RPS6KA1: variants seen among roughly 807,000 people sequenced by gnomAD.
RPS6KA1 encodes ribosomal protein S6 kinase alpha-1.
A neutral mutation model predicts 91.3 loss-of-function variants in RPS6KA1; 48 were observed. That is an observed-to-expected ratio of 0.53 (90% CI 0.42 to 0.67). The LOEUF (loss-of-function observed/expected upper bound fraction) is 0.67, where lower values mean the gene tolerates loss of function less well. Ranked by LOEUF, RPS6KA1 falls within the 30% of genes least tolerant of loss-of-function variation. The pLI is 0.00. For synonymous variants in RPS6KA1, 359 were observed against 384.7 expected, an observed-to-expected ratio of 0.93 and a Z score of 0.78; for missense variants, 719 against 960.5, an observed-to-expected ratio of 0.75 and a Z score of 3.32.
intron 2 of RPS6KA1, chr1:26,544,058 C>G (rs2124624060): frequency 2.2e-6 from 1 of 456,176 alleles, no homozygotes; most frequent in Admixed American, 2.3e-5. Flanking sequence ...CTCCCCTCAT[C>G]TCTTTCCCCA....
intron 17 of RPS6KA1, among the ~76,000 whole-genome samples, chr1:26,564,018 G>A (rs1047179694): frequency 6.6e-6 from 1 of 152,080 alleles, no homozygotes; most frequent in Non-Finnish European, 1.5e-5. Context: ...AGCTACTCTG[G>A]TGGCTGAGGC....
At chr1:26,567,683 C>T (rs1455402595) in intron 17 of RPS6KA1, among the ~76,000 whole-genome samples, 1 of 152,030 alleles carries the variant, frequency 6.6e-6, no homozygotes, top group African/African-American at 2.4e-5. Flanking sequence ...CTGGCCTGGT[C>T]TCTAGTGCTT....
At chr1:26,565,386 C>G (rs1371046102) in intron 17 of RPS6KA1, among the ~76,000 whole-genome samples, 1 of 151,892 alleles carries the variant, frequency 6.6e-6, no homozygotes, top group Non-Finnish European at 1.5e-5. Context: ...TCACAACGGA[C>G]AAGTCAATAA....
chr1:26,563,530 T>C (rs1172290434), intron 17 of RPS6KA1, among the ~76,000 whole-genome samples: 1 of 152,110 alleles, frequency 6.6e-6, no homozygotes, highest in Non-Finnish European at 1.5e-5. Flanking sequence ...CCCAGCCTCT[T>C]TTCTTCTTTT....
Position 26,529,911 on chromosome 1 carries a change from C to T in RPS6KA1, c.-10C>T, listed in dbSNP as rs1338629366. ...CGCCGGAGGAGCGCGGGTGACCTGG[C>T]GGCGGCGAGATGCCGCTCGCCCAGC... On this transcript the variant is annotated 5_prime_UTR_variant, in exon 1 of 22. Transcript: ENST00000374168. This position sits in a 1 kb window ranked among gnomAD's most constrained non-coding sequence, Gnocchi z 4.2. The T allele has an allele frequency of 5.6e-6, 8 of 1,424,066 alleles. No individual in the cohort carries two copies. Among genetic ancestry groups the T allele is most frequent in the Admixed American group, 5.2e-5 (2 of 38,712 alleles). The allele number at this position is 1,424,066 out of a possible 1,614,324, so 88.2% of individuals were successfully genotyped here.
chr1:26,554,185 G>A lies in RPS6KA1; in HGVS notation c.576-29G>A. ...CATCACCCACACGGCCACAGCTGAG[G>A]GGCCCTGACCACTATTTCTCTATTA... On this transcript the variant is annotated intron_variant, in intron 7 of 21. Transcript: ENST00000374168. The surrounding 1 kb of genome is among the most constrained non-coding windows in gnomAD (Gnocchi z 4.6). 5 of 1,551,066 alleles carry A rather than the reference G, an allele frequency of 3.2e-6. No homozygotes were observed. The highest frequency in any genetic ancestry group is 1.4e-5 in the African/African-American group (1 of 73,144).
intron 2 of RPS6KA1, chr1:26,543,282 G>T: frequency 1.6e-6 from 2 of 1,284,820 alleles, no homozygotes; most frequent in Non-Finnish European, 1.1e-6. Context: ...CAAGGAATGG[G>T]TTTGGGGGTG....
At position 26,547,443 on chromosome 1, in the gene RPS6KA1, C is replaced by A; in HGVS notation, c.307+173C>A. On this transcript the variant is annotated intron_variant, in intron 4 of 21. Coordinates refer to ENST00000374168, the MANE Select transcript of RPS6KA1 (RefSeq NM_002953.4). This position sits in a 1 kb window ranked among gnomAD's most constrained non-coding sequence, Gnocchi z 4.1. ...ATCCCTCGCCAGCCAATCCTCCTCC[C>A]CCTAAGCCAAGTGCTAGTGACTGGC... 1.7e-6 allele frequency: 1 copy of A among 603,494 alleles called. No individual in the cohort carries two copies. The allele number at this position is 603,494 out of a possible 1,614,324, so 37.4% of individuals were successfully genotyped here.
intron 1 of RPS6KA1, among the ~76,000 whole-genome samples, chr1:26,533,430 G>A (rs995113061): frequency 1.6e-4 from 25 of 152,118 alleles, no homozygotes; most frequent in African/African-American, 5.8e-4. Context: ...ATGAGGCCAC[G>A]CGTGGTGGCT....
In RPS6KA1 at chr1:26,572,220, TC is replaced by T; in HGVS notation, c.1876del (p.Leu626Ter). On this transcript the variant is annotated frameshift_variant, in exon 20 of 22. Transcript: ENST00000374168. LOFTEE classifies it high-confidence loss of function. ...ANGPSDTPEE[I>X]LTRIGSGKFT... The stretch of plus-strand genomic sequence containing the variant: ...GGTCCCAGTGACACACCAGAGGAAA[TC>T]CTAACCCGGATCGGCAGTGGGAAGT... 6.2e-7 allele frequency: 1 copy of T among 1,613,730 alleles called. No individual in the cohort carries two copies. The highest frequency in any genetic ancestry group is 1.1e-5 in the South Asian group (1 of 91,052).
chr1:26,569,030 A>G (rs2124669396), intron 17 of RPS6KA1, among the ~76,000 whole-genome samples: 1 of 152,258 alleles, frequency 6.6e-6, no homozygotes, highest in Middle Eastern at 3.4e-3. Flanking sequence ...CCCTGTTTCT[A>G]TAATACAAAA....
In RPS6KA1 at chr1:26,561,804, G is replaced by C; in HGVS notation, c.1590+141G>C. The C allele has an allele frequency of 1.3e-6, 1 of 792,030 alleles. No individual in the cohort carries two copies. Among genetic ancestry groups the C allele is most frequent in the Non-Finnish European group, 2.0e-6 (1 of 503,436 alleles). The allele number at this position is 792,030 out of a possible 1,614,324, so 49.1% of individuals were successfully genotyped here. A position where few individuals can be genotyped will look rare whatever the true frequency, so the allele number is the denominator to read the frequency against. Reference sequence around the variant, plus strand: ...ACACTAGGGCTGGGTGGGTGGATGCGTGCAAAGGAAGGAGGGAGAGATGTG... The same window carrying C: ...ACACTAGGGCTGGGTGGGTGGATGCCTGCAAAGGAAGGAGGGAGAGATGTG... On this transcript the variant is annotated intron_variant, in intron 17 of 21. Coordinates refer to ENST00000374168, the MANE Select transcript of RPS6KA1 (RefSeq NM_002953.4). The surrounding 1 kb of genome is among the most constrained non-coding windows in gnomAD (Gnocchi z 5.7).
At position 26,547,280 on chromosome 1, in the gene RPS6KA1, G is replaced by A. The variant is rs2076003854; in HGVS notation, c.307+10G>A. The A allele has an allele frequency of 6.2e-7, 1 of 1,609,560 alleles. No individual in the cohort carries two copies. Among genetic ancestry groups the A allele is most frequent in the African/African-American group, 1.3e-5 (1 of 74,830 alleles). On this transcript the variant is annotated intron_variant, in intron 4 of 21. Coordinates refer to ENST00000374168, the MANE Select transcript of RPS6KA1 (RefSeq NM_002953.4). This position sits in a 1 kb window ranked among gnomAD's most constrained non-coding sequence, Gnocchi z 4.1. ...AAGGCAACGCTGAAAGGTGAGTGGG[G>A]ACACCTCCCTGTGCAGAACCCAGGC...
intron 17 of RPS6KA1, among the ~76,000 whole-genome samples, chr1:26,569,536 A>G (rs2076232346): frequency 6.6e-6 from 1 of 152,134 alleles, no homozygotes; most frequent in Admixed American, 6.6e-5. Context: ...TCTTCTCCCT[A>G]TGGAGGTGGA....
chr1:26,565,915 G>C (rs1291972834), intron 17 of RPS6KA1, among the ~76,000 whole-genome samples: 1 of 152,116 alleles, frequency 6.6e-6, no homozygotes, highest in African/African-American at 2.4e-5. Flanking sequence ...TTGTCTTTGA[G>C]ATCCATCCAC....
intron 17 of RPS6KA1, among the ~76,000 whole-genome samples, chr1:26,562,015 C>T (rs565557000): frequency 8.9e-4 from 136 of 152,112 alleles, no homozygotes; most frequent in Non-Finnish European, 1.8e-3. Context: ...CCAGCCTGGC[C>T]AACATGGTGA....
At chr1:26,541,895 C>T (rs2075951875) in intron 2 of RPS6KA1, among the ~76,000 whole-genome samples, 1 of 152,188 alleles carries the variant, frequency 6.6e-6, no homozygotes, top group South Asian at 2.1e-4. Context: ...GGCCTGGGGG[C>T]TCTGGGCTTC....
rs540126898 is a variant in RPS6KA1, at chr1:26,557,021, G to A, written c.1005G>A (p.Lys335=). The A allele has an allele frequency of 9.3e-6, 15 of 1,614,094 alleles. 1 individual carries two copies. In the Admixed American group the frequency reaches 1.2e-4, roughly 13 times the overall value. The change falls in exon 13 of 22, where the codon AAG becomes AAA. Residue 335 remains lysine (K), a synonymous_variant. Coordinates refer to ENST00000374168, the MANE Select transcript of RPS6KA1 (RefSeq NM_002953.4). ...DWNKLYRREI[K]PPFKPAVAQP... ...AGAAGCTATACCGTCGTGAGATCAAGCCACCCTTCAAGCCAGCAGTGGCTC... is the reference window on the plus strand; with the variant it reads ...AGAAGCTATACCGTCGTGAGATCAAACCACCCTTCAAGCCAGCAGTGGCTC...
chr1:26,560,880 G>A (rs752789170), intron 15 of RPS6KA1, 29 bp downstream of exon 15: 1 of 1,614,000 alleles, frequency 6.2e-7, no homozygotes, highest in South Asian at 1.1e-5. Context: ...TCTCGGCCAA[G>A]GCTGCTGGGT....
Sources: allele counts gnomAD v4.1 joint callset (sites outside exome capture counted in the v4.1 genomes callset), GRCh38; gene constraint gnomAD v4.1.1; non-coding constraint Gnocchi (gnomAD v3.1); transcripts MANE v1.5; gene names NCBI Gene and HGNC (gene_info 2026-07-23, HGNC 2026-07-21).